SMURF2: variants seen among roughly 807,000 people sequenced by gnomAD.
SMURF2 encodes E3 ubiquitin-protein ligase SMURF2.
SMURF2 carries 48 observed loss-of-function variants against 109.6 expected under a neutral mutation model. The observed-to-expected ratio is 0.44, with a 90% confidence interval of 0.35 to 0.56. The LOEUF (loss-of-function observed/expected upper bound fraction) is 0.56. Among genes scored for constraint, SMURF2 ranks in the 20% least tolerant of loss-of-function variants. The pLI, the probability that SMURF2 is intolerant of heterozygous loss-of-function variation, is 0.01. For synonymous variants in SMURF2, 288 were observed against 317.1 expected (o/e 0.91, Z 0.97); for missense variants, 575 against 909.0 (o/e 0.63, Z 4.72).
At chr17:64,603,264 T>C (rs2144670306) in intron 2 of SMURF2, among the ~76,000 whole-genome samples, 1 of 152,154 alleles carries the variant, frequency 6.6e-6, no homozygotes, top group African/African-American at 2.4e-5. Flanking sequence ...AAACATTCCT[T>C]TTCATATAAA....
At chr17:64,658,976 G>C (rs995604176) in intron 1 of SMURF2, among the ~76,000 whole-genome samples, 4 of 152,162 alleles carry the variant, frequency 2.6e-5, no homozygotes, top group African/African-American at 9.7e-5. Flanking sequence ...AACTGCCTGA[G>C]GAATCTAAAA....
At chr17:64,651,705 T>A (rs1970642859) in intron 1 of SMURF2, among the ~76,000 whole-genome samples, 1 of 152,200 alleles carries the variant, frequency 6.6e-6, no homozygotes, top group South Asian at 2.1e-4. Context: ...AGGGGATCAC[T>A]TGAGGCCAGG....
At chr17:64,648,715 T>G (rs920086413) in intron 1 of SMURF2, among the ~76,000 whole-genome samples, 6 of 152,126 alleles carry the variant, frequency 3.9e-5, no homozygotes, top group Non-Finnish European at 8.8e-5. Flanking sequence ...AAGGCTATAG[T>G]GAGCCATAAG....
At chr17:64,578,374 G>T in intron 9 of SMURF2, 118 bp downstream of exon 9, 1 of 673,596 alleles carries the variant, frequency 1.5e-6, no homozygotes, top group Non-Finnish European at 2.6e-6. Context: ...GTAACTATCA[G>T]AAGAGTCAAA....
rs1555685586 is a variant in SMURF2, at chr17:64,571,791, A to G, written c.1016+7T>C. On this transcript the variant is annotated splice_region_variant and intron_variant, in intron 10 of 18. Coordinates refer to ENST00000262435, the MANE Select transcript of SMURF2 (RefSeq NM_022739.4). Reference sequence around the variant, plus strand: ...CCATTTTAACATGTATTGTTTCAAAAACTTACTTTAAAACTAAATGCAAGT... The same window carrying G: ...CCATTTTAACATGTATTGTTTCAAAGACTTACTTTAAAACTAAATGCAAGT... 1 of 1,603,006 alleles carries G rather than the reference A, an allele frequency of 6.2e-7. No individual in the cohort carries two copies. Among genetic ancestry groups the G allele is most frequent in the Admixed American group, 1.7e-5 (1 of 58,030 alleles).
chr17:64,588,107 AAAG>A (rs1226404253), intron 5 of SMURF2, among the ~76,000 whole-genome samples: 2 of 151,684 alleles, frequency 1.3e-5, no homozygotes, highest in African/African-American at 4.8e-5. Flanking sequence ...AAAAAAAAAA[AAAG>A]ATGTTTATGA....
chr17:64,645,008 A>AC (rs1555692878), intron 1 of SMURF2, among the ~76,000 whole-genome samples: 3 of 150,638 alleles, frequency 2.0e-5, no homozygotes, highest in African/African-American at 7.3e-5. Context: ...GACTGTCTCA[A>AC]AAAAAAAAAA....
intron 1 of SMURF2, among the ~76,000 whole-genome samples, chr17:64,608,600 AATG>A (rs1320060047): frequency 1.3e-5 from 2 of 152,212 alleles, no homozygotes; most frequent in African/African-American, 4.8e-5. Flanking sequence ...TTAATGAGGT[AATG>A]ATGATTTTTT....
At chr17:64,597,794 A>C (rs1238045792) in intron 3 of SMURF2, among the ~76,000 whole-genome samples, 1 of 151,520 alleles carries the variant, frequency 6.6e-6, no homozygotes, top group East Asian at 1.9e-4. Context: ...AATTACCTAA[A>C]ACTAAAAAAA....
At chr17:64,613,705 T>TGA (rs1555689807) in intron 1 of SMURF2, among the ~76,000 whole-genome samples, 2 of 133,468 alleles carry the variant, frequency 1.5e-5, no homozygotes, top group Admixed American at 7.4e-5. Flanking sequence ...TGTGTGTGTG[T>TGA]GTGTGTGTGT....
chr17:64,613,616 C>A (rs1408601819), intron 1 of SMURF2, among the ~76,000 whole-genome samples: 3 of 150,106 alleles, frequency 2.0e-5, no homozygotes, highest in Non-Finnish European at 3.0e-5. Context: ...AGACCGCAGT[C>A]CCCAACCTTT....
chr17:64,606,412 G>T (rs1305711810), intron 2 of SMURF2, among the ~76,000 whole-genome samples, 190 bp downstream of exon 2: 1 of 151,982 alleles, frequency 6.6e-6, no homozygotes, highest in African/African-American at 2.4e-5. Flanking sequence ...AAAGGAAAGG[G>T]CTAAGCCTAA....
In SMURF2 at chr17:64,569,161, G is replaced by A. The variant is rs575079015; in HGVS notation, c.1016+2637C>T. 4.6e-5 allele frequency among the ~76,000 whole-genome samples: 7 copies of A among 151,960 alleles called. No homozygotes were observed. In the East Asian group the frequency reaches 7.8e-4, roughly 17 times the overall value. ...CTAAAAATACAAAAATTAGCTCGGC[G>A]TGGTGGCAAGCACCTATAATCCCAG... On this transcript the variant is annotated intron_variant, in intron 10 of 18. Coordinates refer to ENST00000262435, the MANE Select transcript of SMURF2 (RefSeq NM_022739.4).
rs183206255 is a variant in SMURF2, at chr17:64,545,923, G to C, written c.2172C>G (p.Pro724=). Residue 724 remains proline (P), a synonymous_variant, in exon 19 of 19, where the codon CCC becomes CCG. Transcript: ENST00000262435. ...CATATAGCTTTTCATAGCTTTCATAGGGTGGAATGTCTATTCGATTGAAGC... is the reference window on the plus strand; with the variant it reads ...CATATAGCTTTTCATAGCTTTCATACGGTGGAATGTCTATTCGATTGAAGC... ...HTCFNRIDIP[P]YESYEKLYEK... 1.9e-6 allele frequency: 3 copies of C among 1,609,504 alleles called. No homozygotes were observed. In the East Asian group the frequency reaches 6.7e-5, roughly 36 times the overall value.
intron 1 of SMURF2, among the ~76,000 whole-genome samples, chr17:64,659,507 A>C (rs1266663184): frequency 7.3e-6 from 1 of 136,350 alleles, no homozygotes; most frequent in Non-Finnish European, 1.5e-5. Context: ...GGTCTTCACA[A>C]AGAATCAACT....
At chr17:64,572,047 G>A in intron 9 of SMURF2, 91 bp from the exon 10 acceptor site, 1 of 1,063,536 alleles carries the variant, frequency 9.4e-7, no homozygotes, top group Admixed American at 3.3e-5. Context: ...TCCACAAAGT[G>A]TGAGAAAATG....
At chr17:64,631,278 GGGGGAGAGAGAGAGA>G (rs1568202889) in intron 1 of SMURF2, among the ~76,000 whole-genome samples, 2 of 30,498 alleles carry the variant, frequency 6.6e-5, no homozygotes, top group Non-Finnish European at 1.7e-4. Context: ...GAGAGGGGGG[GGGGGAGAGAGAGAGA>G]GAGAGAGAGA....
At chr17:64,642,456 G>C (rs1555692652) in intron 1 of SMURF2, among the ~76,000 whole-genome samples, 2 of 152,172 alleles carry the variant, frequency 1.3e-5, no homozygotes, top group South Asian at 4.1e-4. Context: ...AAATGTAGTA[G>C]TTATTTATTA....
Position 64,608,043 on chromosome 17 carries a change from A to C in SMURF2, c.53-1403T>G, listed in dbSNP as rs142984995. 3.8e-3 allele frequency among the ~76,000 whole-genome samples: 559 copies of C among 148,924 alleles called. 5 individuals are homozygous for C. Among genetic ancestry groups the C allele is most frequent in the African/African-American group, 0.013 (504 of 40,236 alleles). On this transcript the variant is annotated intron_variant, in intron 1 of 18. Transcript: ENST00000262435. ...TAAATAAATAAATAAATAAATAAATAAATCTGCTTATAGAGTCATAAACTT... is the reference window on the plus strand; with the variant it reads ...TAAATAAATAAATAAATAAATAAATCAATCTGCTTATAGAGTCATAAACTT...
Sources: allele counts gnomAD v4.1 joint callset (sites outside exome capture counted in the v4.1 genomes callset), GRCh38; gene constraint gnomAD v4.1.1; transcripts MANE v1.5; gene names NCBI Gene and HGNC (gene_info 2026-07-23, HGNC 2026-07-21).